The following PASD1 variants were observed in gnomAD, a reference collection of about 807,000 sequenced individuals.
PASD1 encodes the protein PAS domain containing repressor 1, also known as circadian clock protein PASD1.
Under a neutral mutation model 58.8 loss-of-function variants are expected in PASD1, and 13 were observed. That is an observed-to-expected ratio of 0.22 (90% CI 0.14 to 0.35). PASD1 has a LOEUF of 0.35. Among genes scored for constraint, PASD1 ranks in the 10% least tolerant of loss-of-function variants. PASD1 has a pLI of 1.00. For missense variants in PASD1, 734 were observed against 568.3 expected, an observed-to-expected ratio of 1.29 and a Z score of -2.96; for synonymous variants, 236 against 216.7, an observed-to-expected ratio of 1.09 and a Z score of -0.78.
intron 7 of PASD1, 75 bp from the exon 8 acceptor site, chrX:151,625,373 C>T (rs1405610716): frequency 2.6e-6 from 2 of 767,986 alleles, no homozygotes; most frequent in African/African-American, 4.3e-5. Context: ...AGCATGCCTC[C>T]AAAATTAATA....
At chrX:151,622,586 TACACACACAC>T (rs202044764) in intron 6 of PASD1, among the ~76,000 whole-genome samples, 3 of 96,752 alleles carry the variant, frequency 3.1e-5, no homozygotes, top group African/African-American at 7.5e-5. Context: ...GTGCACAGAT[TACACACACAC>T]ACACACACAC....
intron 9 of PASD1, among the ~76,000 whole-genome samples, chrX:151,649,233 AG>A (rs1407769306): frequency 8.9e-6 from 1 of 112,042 alleles, no homozygotes; most frequent in Non-Finnish European, 1.9e-5. Flanking sequence ...AGAACAGAAG[AG>A]GTATCCCAGA....
chrX:151,612,901 G>T (rs2013584956), intron 4 of PASD1, among the ~76,000 whole-genome samples: 1 of 111,859 alleles, frequency 8.9e-6, no homozygotes, highest in South Asian at 3.8e-4. Context: ...CCATGCCTAT[G>T]TCCTGAATGG....
At chrX:151,587,067 C>T (rs2013174892) in intron 1 of PASD1, among the ~76,000 whole-genome samples, 1 of 111,843 alleles carries the variant, frequency 8.9e-6, no homozygotes, top group Non-Finnish European at 1.9e-5. Flanking sequence ...TTGAAATATT[C>T]TGCCGGAATG....
At chrX:151,582,512 A>G (rs749893632) in intron 1 of PASD1, among the ~76,000 whole-genome samples, 1 of 111,012 alleles carries the variant, frequency 9.0e-6, no homozygotes, top group African/African-American at 3.3e-5. Context: ...CCACTCAGAT[A>G]TGACAGCAAC....
intron 4 of PASD1, among the ~76,000 whole-genome samples, chrX:151,613,518 T>A (rs887477723): frequency 1.8e-5 from 2 of 109,753 alleles, no homozygotes; most frequent in Non-Finnish European, 3.8e-5. Context: ...TAGTTCTCCT[T>A]GAAGAGGTCC....
chrX:151,626,741 G>A (rs1569408747), intron 8 of PASD1, among the ~76,000 whole-genome samples: 1 of 112,177 alleles, frequency 8.9e-6, no homozygotes. Flanking sequence ...GGGATCAAAG[G>A]CATGCTTGCA....
intron 2 of PASD1, among the ~76,000 whole-genome samples, chrX:151,601,998 G>A (rs933052307): frequency 2.7e-5 from 3 of 112,347 alleles, no homozygotes; most frequent in Non-Finnish European, 3.8e-5. Flanking sequence ...CAAGTACACT[G>A]ATCAAAAAGT....
intron 1 of PASD1, among the ~76,000 whole-genome samples, chrX:151,588,780 G>T (rs1284888428): frequency 1.8e-5 from 2 of 111,793 alleles, no homozygotes; most frequent in Non-Finnish European, 3.8e-5. Context: ...ATAGAATATT[G>T]TTCATGATCA....
rs758890362 is a variant in PASD1, at chrX:151,659,525, C to T, written c.718-188C>T. ...TATACCTTGTGGCATCTATAATCTC[C>T]GCTTGTTATCTTCCAGCAATATTTT... On this transcript the variant is annotated intron_variant, in intron 9 of 15. Coordinates refer to ENST00000370357, the MANE Select transcript of PASD1 (RefSeq NM_173493.3). Among the ~76,000 whole-genome samples, 12 of 112,072 alleles carry T rather than the reference C, an allele frequency of 1.1e-4. No homozygotes were observed. In the South Asian group the frequency reaches 1.9e-3, roughly 17 times the overall value.
intron 14 of PASD1, chrX:151,673,590 A>G: frequency 3.4e-6 from 1 of 291,489 alleles, no homozygotes; most frequent in East Asian, 6.4e-5. Flanking sequence ...TCTGCCTTAC[A>G]GTCTCTGCTC....
In PASD1 at chrX:151,621,471, C is replaced by CT. The variant is rs777711899; in HGVS notation, c.308-6dup. 8.7e-7 allele frequency: 1 copy of CT among 1,150,443 alleles called. No homozygotes were observed. The highest frequency in any genetic ancestry group is 2.8e-4 in the Middle Eastern group (1 of 3,589). 94.8% of individuals were successfully genotyped at this position (1,150,443 alleles called of 1,213,427 possible). A position where few individuals can be genotyped will look rare whatever the true frequency, so the allele number is the denominator to read the frequency against. ...TGTAGACTTGTTTTGTATTTCTTCT[C>CT]TTTTTACTAGAAACACATATTGAAT... On this transcript the variant is annotated splice_polypyrimidine_tract_variant and intron_variant, in intron 5 of 15. Coordinates refer to ENST00000370357, the MANE Select transcript of PASD1 (RefSeq NM_173493.3).
At chrX:151,630,496 C>T (rs1022567447) in intron 8 of PASD1, among the ~76,000 whole-genome samples, 5 of 112,183 alleles carry the variant, frequency 4.5e-5, no homozygotes, top group African/African-American at 1.6e-4. Context: ...AAACCAGTAC[C>T]CTATTGCTTG....
intron 4 of PASD1, among the ~76,000 whole-genome samples, chrX:151,616,446 A>C (rs751125353): frequency 9.0e-6 from 1 of 110,657 alleles, no homozygotes; most frequent in Non-Finnish European, 1.9e-5. Flanking sequence ...TGATCATGGT[A>C]TTAAACTTTT....
chrX:151,655,949 T>A (rs968514476), intron 9 of PASD1, among the ~76,000 whole-genome samples: 2 of 112,183 alleles, frequency 1.8e-5, no homozygotes, highest in Non-Finnish European at 3.8e-5. Context: ...TCCTGAATGG[T>A]AATGCCTAGG....
intron 1 of PASD1, among the ~76,000 whole-genome samples, chrX:151,577,459 A>G (rs2013023587): frequency 8.9e-6 from 1 of 112,358 alleles, no homozygotes; most frequent in African/African-American, 3.2e-5. Flanking sequence ...GATAATTCTG[A>G]CAGAGACATA....
intron 2 of PASD1, 28 bp downstream of exon 2, chrX:151,601,609 C>T (rs1202999479): frequency 1.5e-5 from 18 of 1,195,815 alleles, no homozygotes; most frequent in Non-Finnish European, 1.9e-5. Flanking sequence ...ACTGACATTT[C>T]TGTCAAAGCC....
At chrX:151,653,807 C>T (rs185044110) in intron 9 of PASD1, among the ~76,000 whole-genome samples, 1,379 of 11,394 alleles carry the variant, frequency 0.12, 38 homozygotes, top group East Asian at 0.32. Context: ...TCTTTCCTTC[C>T]TTCCTTCCTT....
chrX:151,653,003 A>C (rs945308160), intron 9 of PASD1, among the ~76,000 whole-genome samples: 1 of 109,907 alleles, frequency 9.1e-6, no homozygotes, highest in African/African-American at 3.3e-5. Context: ...TGTTTATTAA[A>C]AGAGTCACAG....
Sources: gnomAD v4.1 joint callset for allele counts (sites outside exome capture counted in the v4.1 genomes callset) on GRCh38, gnomAD v4.1.1 for gene constraint, MANE v1.5 for transcripts, NCBI Gene and HGNC (gene_info 2026-07-23, HGNC 2026-07-21) for gene names.